Variants in AGBL3 observed in about 807,000 individuals in gnomAD.
The protein encoded by AGBL3 is AGBL carboxypeptidase 3.
A neutral mutation model predicts 94.5 loss-of-function variants in AGBL3; 68 were observed. The ratio of observed to expected loss-of-function variants is 0.72; its 90% CI spans 0.59 to 0.88. AGBL3 has a LOEUF of 0.88. AGBL3 is among the 40% of genes least tolerant of loss of function. AGBL3 has a pLI of 0.00. For missense variants in AGBL3, 934 were observed against 1,103.8 expected (o/e 0.85, Z 2.18); for synonymous variants, 354 against 370.7 (o/e 0.95, Z 0.52).
At chr7:134,999,354 C>G (rs1451807488) in intron 4 of AGBL3, among the ~76,000 whole-genome samples, 11 of 152,190 alleles carry the variant, frequency 7.2e-5, no homozygotes, top group Admixed American at 7.2e-4. Context: ...TGTGTGCCAC[C>G]TGCTCCCCAG....
intron 16 of AGBL3, among the ~76,000 whole-genome samples, chr7:135,118,629 C>T (rs1446379173): frequency 6.6e-6 from 1 of 152,134 alleles, no homozygotes; most frequent in Admixed American, 6.5e-5. Flanking sequence ...GAAATAAATT[C>T]TTGTACCAAG....
rs1417340085 is a variant in AGBL3 at position 135,034,932 on chromosome 7, A to T, written c.1337+4A>T. The T allele has an allele frequency of 6.7e-7, 1 of 1,481,920 alleles. No homozygotes were observed. The highest frequency in any genetic ancestry group is 1.4e-5 in the South Asian group (1 of 70,126). 91.8% of individuals were successfully genotyped at this position (1,481,920 alleles called of 1,614,324 possible). On this transcript the variant is annotated splice_donor_region_variant and intron_variant, in intron 7 of 16. Coordinates refer to ENST00000436302, the MANE Select transcript of AGBL3 (RefSeq NM_178563.4). ...ATACCCGGAACATGGTTCATAGGTA[A>T]AATAAGCCTCAAATTACCTCTGTGC...
intron 7 of AGBL3, 140 bp from the exon 8 acceptor site, chr7:135,037,278 A>T: frequency 1.8e-6 from 1 of 564,882 alleles, no homozygotes; most frequent in Non-Finnish European, 2.8e-6. Context: ...TTGTATATTA[A>T]TAATATGCAA....
intron 15 of AGBL3, 147 bp from the exon 16 acceptor site, chr7:135,115,233 T>A: frequency 1.9e-6 from 1 of 539,968 alleles, no homozygotes; most frequent in South Asian, 3.0e-5. Flanking sequence ...TATATTTTAT[T>A]TGTTTATTTT....
At chr7:135,124,821 GC>G (rs1208242043) in intron 16 of AGBL3, among the ~76,000 whole-genome samples, 4 of 152,136 alleles carry the variant, frequency 2.6e-5, no homozygotes, top group African/African-American at 9.7e-5. Flanking sequence ...TGAAATTAAA[GC>G]AGAAATCAAG....
At chr7:135,129,643 A>T (rs1356102178) in intron 16 of AGBL3, 1 of 780,740 alleles carries the variant, frequency 1.3e-6, no homozygotes, top group Non-Finnish European at 2.4e-6. Flanking sequence ...CAGCTGTTTT[A>T]TGCTGTGGAT....
At chr7:135,016,700 A>C (rs1028590547) in intron 4 of AGBL3, among the ~76,000 whole-genome samples, 1 of 152,214 alleles carries the variant, frequency 6.6e-6, no homozygotes, top group African/African-American at 2.4e-5. Context: ...GCTGAAGGGA[A>C]AGGAAGAATA....
At chr7:135,049,241 A>G (rs1280058181) in intron 11 of AGBL3, among the ~76,000 whole-genome samples, 1 of 151,912 alleles carries the variant, frequency 6.6e-6, no homozygotes, top group Non-Finnish European at 1.5e-5. Flanking sequence ...ATTTGCATAT[A>G]TTGAACCATA....
rs151114512 is a variant in AGBL3, at chr7:135,037,211, C to T, written c.1338-207C>T. Among the ~76,000 whole-genome samples the T allele has an allele frequency of 7.6e-4, 116 of 152,226 alleles. 3 individuals are homozygous for T. The South Asian group carries it at 0.011, about 14-fold the overall frequency. On this transcript the variant is annotated intron_variant, in intron 7 of 16. Transcript: ENST00000436302. ...TTAGGATTACAGGCATGAGCCACTG[C>T]GCTCGGCCTGCATTCAGATATTTAT...
At chr7:135,107,629 G>A (rs553388737) in intron 15 of AGBL3, among the ~76,000 whole-genome samples, 60 of 152,172 alleles carry the variant, frequency 3.9e-4, no homozygotes, top group African/African-American at 1.4e-3. Context: ...ATTGTTTTAT[G>A]TCTGATTGTG....
chr7:135,047,838 GT>G (rs941972635), intron 11 of AGBL3, among the ~76,000 whole-genome samples: 4 of 151,680 alleles, frequency 2.6e-5, no homozygotes, highest in Non-Finnish European at 5.9e-5. Context: ...TCACTCTATT[GT>G]TTCCTTGGTT....
chr7:135,012,194 GGCAAA>G (rs1196679169), intron 4 of AGBL3: 3 of 152,032 alleles, frequency 2.0e-5, no homozygotes, highest in African/African-American at 7.2e-5. Flanking sequence ...TTCAAATATA[GGCAAA>G]GCAAAGCAAT....
chr7:135,094,758 C>T (rs1822398944), intron 15 of AGBL3, among the ~76,000 whole-genome samples: 1 of 152,130 alleles, frequency 6.6e-6, no homozygotes, highest in African/African-American at 2.4e-5. Context: ...GAGACCATAC[C>T]ACCCAAGAGG....
In AGBL3 at chr7:135,034,718, G is replaced by A. The variant is rs777551881; in HGVS notation, c.1127G>A (p.Gly376Asp). Residue 376 changes from glycine to aspartate, a missense_variant, in exon 7 of 17, where the codon GGC becomes GAC. Transcript: ENST00000436302. Reference protein sequence around the residue: ...GETNSSWIMKGFLDYILGNSS... With the variant: ...GETNSSWIMKDFLDYILGNSS... ...ACCAACAGCTCTTGGATCATGAAAGGCTTCCTAGATTATATTTTAGGAAAC... is the reference window on the plus strand; with the variant it reads ...ACCAACAGCTCTTGGATCATGAAAGACTTCCTAGATTATATTTTAGGAAAC... The A allele has an allele frequency of 1.3e-6, 2 of 1,550,734 alleles. No individual in the cohort carries two copies. The highest frequency in any genetic ancestry group is 1.7e-6 in the Non-Finnish European group (2 of 1,146,636).
intron 15 of AGBL3, among the ~76,000 whole-genome samples, chr7:135,112,925 C>T (rs563852277): frequency 4.6e-5 from 7 of 152,184 alleles, no homozygotes; most frequent in African/African-American, 1.7e-4. Context: ...TTACAGAACT[C>T]GCCACCATGC....
At chr7:135,068,840 A>G (rs987361068) in intron 12 of AGBL3, among the ~76,000 whole-genome samples, 1 of 152,244 alleles carries the variant, frequency 6.6e-6, no homozygotes, top group Non-Finnish European at 1.5e-5. Context: ...AACGAGCAAA[A>G]TAACCAGCTA....
intron 16 of AGBL3, among the ~76,000 whole-genome samples, chr7:135,130,778 G>T (rs890602780): frequency 6.6e-6 from 1 of 152,092 alleles, no homozygotes; most frequent in East Asian, 1.9e-4. Context: ...AACAAGCTAT[G>T]GGAATTTGGC....
intron 16 of AGBL3, among the ~76,000 whole-genome samples, chr7:135,120,267 A>G (rs1225821318): frequency 6.6e-6 from 1 of 152,244 alleles, no homozygotes; most frequent in Non-Finnish European, 1.5e-5. Flanking sequence ...AGCAAAAATT[A>G]TAATATTGAT....
At chr7:135,048,279 G>A (rs1817557959) in intron 11 of AGBL3, among the ~76,000 whole-genome samples, 1 of 151,866 alleles carries the variant, frequency 6.6e-6, no homozygotes, top group South Asian at 2.1e-4. Flanking sequence ...ATCAGAGAAA[G>A]TGATGACTCT....
Sources: allele counts gnomAD v4.1 joint callset (sites outside exome capture counted in the v4.1 genomes callset), GRCh38; gene constraint gnomAD v4.1.1; transcripts MANE v1.5; gene names NCBI Gene and HGNC (gene_info 2026-07-23, HGNC 2026-07-21).